CSMD1: variants seen among roughly 807,000 people sequenced by gnomAD.
The protein encoded by CSMD1 is CUB and sushi domain-containing protein 1.
A neutral mutation model predicts 417.5 loss-of-function variants in CSMD1; 213 were observed. That is an observed-to-expected ratio of 0.51 (90% CI 0.46 to 0.57). The LOEUF is 0.57. Ranked by LOEUF, CSMD1 falls within the 20% of genes least tolerant of loss-of-function variation. CSMD1 has a pLI of 0.00. For synonymous variants in CSMD1, 2,862 were observed against 1,736.8 expected (o/e 1.65, Z -16.11); for missense variants, 6,923 against 4,529.7 (o/e 1.53, Z -15.17).
intron 1 of CSMD1, among the ~76,000 whole-genome samples, chr8:4,958,344 G>C (rs904107011): frequency 6.6e-6 from 1 of 151,982 alleles, no homozygotes; most frequent in African/African-American, 2.4e-5. Context: ...TCAAGTTAAA[G>C]GTGAACATGG....
At chr8:3,138,920 A>T (rs1427911327) in intron 41 of CSMD1, among the ~76,000 whole-genome samples, 2 of 152,142 alleles carry the variant, frequency 1.3e-5, no homozygotes, top group Non-Finnish European at 2.9e-5. Context: ...GAAAGAAGAG[A>T]GAAGTTGGAA....
chr8:4,502,859 C>A (rs1802328238), intron 2 of CSMD1, among the ~76,000 whole-genome samples: 1 of 152,016 alleles, frequency 6.6e-6, no homozygotes, highest in Non-Finnish European at 1.5e-5. Flanking sequence ...CTCAGTTTTT[C>A]TTTTGAAAGA....
chr8:4,855,200 G>A (rs200344562), intron 1 of CSMD1, among the ~76,000 whole-genome samples: 1 of 149,508 alleles, frequency 6.7e-6, no homozygotes, highest in Non-Finnish European at 1.5e-5. Flanking sequence ...TGCAGCTGAC[G>A]GTCCTCTTTG....
At chr8:4,384,952 CCT>C (rs1422418721) in intron 3 of CSMD1, among the ~76,000 whole-genome samples, 4 of 152,096 alleles carry the variant, frequency 2.6e-5, no homozygotes, top group South Asian at 4.2e-4. Flanking sequence ...CAGGAAATTT[CCT>C]CTGTCACCCA....
chr8:4,572,120 A>C (rs1481945094), intron 2 of CSMD1, among the ~76,000 whole-genome samples: 1 of 152,188 alleles, frequency 6.6e-6, no homozygotes, highest in Non-Finnish European at 1.5e-5. Context: ...ATTTAAATTT[A>C]AGGTTAATAT....
At chr8:4,326,049 C>T (rs10503254) in intron 3 of CSMD1, among the ~76,000 whole-genome samples, 3 of 151,900 alleles carry the variant, frequency 2.0e-5, no homozygotes, top group African/African-American at 7.3e-5. Context: ...TGACCTAACA[C>T]GGGATTCTCC....
intron 8 of CSMD1, among the ~76,000 whole-genome samples, chr8:3,589,428 G>A (rs984464246): frequency 6.6e-6 from 1 of 151,750 alleles, no homozygotes; most frequent in Non-Finnish European, 1.5e-5. Context: ...GTACACAATG[G>A]AATACTATTC....
intron 5 of CSMD1, among the ~76,000 whole-genome samples, chr8:3,760,623 G>A (rs1025339242): frequency 6.6e-6 from 1 of 152,162 alleles, no homozygotes; most frequent in Non-Finnish European, 1.5e-5. Context: ...TCGCGTATGT[G>A]ACTTGAAAAA....
intron 9 of CSMD1, among the ~76,000 whole-genome samples, chr8:3,582,183 A>G (rs1800411733): frequency 6.6e-6 from 1 of 152,230 alleles, no homozygotes; most frequent in African/African-American, 2.4e-5. Flanking sequence ...GAACGTGTCA[A>G]CAGCAAAGAA....
At chr8:3,315,731 G>A (rs1805708111) in intron 23 of CSMD1, among the ~76,000 whole-genome samples, 1 of 152,088 alleles carries the variant, frequency 6.6e-6, no homozygotes, top group Non-Finnish European at 1.5e-5. Flanking sequence ...ACATCAAAAA[G>A]CCTGTAAATG....
intron 2 of CSMD1, among the ~76,000 whole-genome samples, chr8:4,441,624 C>G (rs1019254914): frequency 3.9e-5 from 6 of 152,046 alleles, no homozygotes; most frequent in Admixed American, 6.6e-5. Context: ...TCTTCACCAC[C>G]TAGGTATTTA....
intron 3 of CSMD1, among the ~76,000 whole-genome samples, chr8:4,305,300 GGA>G (rs768119403): frequency 6.6e-5 from 10 of 152,132 alleles, no homozygotes; most frequent in Non-Finnish European, 1.0e-4. Context: ...CCTCCCGCTA[GGA>G]GAGAGTCAGG....
chr8:4,395,452 A>T (rs1162357272), intron 3 of CSMD1, among the ~76,000 whole-genome samples: 1 of 152,108 alleles, frequency 6.6e-6, no homozygotes, highest in Non-Finnish European at 1.5e-5. Context: ...TCTCATCAAG[A>T]ATAGCAGCAA....
intron 28 of CSMD1, among the ~76,000 whole-genome samples, chr8:3,223,385 T>C (rs887540282): frequency 2.1e-4 from 32 of 152,158 alleles, no homozygotes; most frequent in African/African-American, 7.0e-4. Context: ...ATCAGGCATT[T>C]AGAGTGATAG....
At chr8:3,498,881 T>C (rs1003797523) in intron 10 of CSMD1, among the ~76,000 whole-genome samples, 1 of 152,222 alleles carries the variant, frequency 6.6e-6, no homozygotes, top group Admixed American at 6.5e-5. Context: ...AATTTCTCAT[T>C]CAGATCATGA....
chr8:3,038,711 G>A (rs984875235), intron 50 of CSMD1, among the ~76,000 whole-genome samples: 1 of 151,928 alleles, frequency 6.6e-6, no homozygotes, highest in African/African-American at 2.4e-5. Flanking sequence ...ATTCGCTTAA[G>A]TATTCTTTCC....
chr8:4,504,187 T>C (rs1802405399), intron 2 of CSMD1, among the ~76,000 whole-genome samples: 1 of 152,138 alleles, frequency 6.6e-6, no homozygotes, highest in Non-Finnish European at 1.5e-5. Context: ...ACAATATGGA[T>C]GAACCTCAAG....
intron 52 of CSMD1, among the ~76,000 whole-genome samples, chr8:3,006,027 T>C (rs549134744): frequency 0.035 from 5,290 of 151,702 alleles, 129 homozygotes; most frequent in African/African-American, 0.072. Flanking sequence ...AAAACCCCAT[T>C]GTCTCAGCCC....
intron 26 of CSMD1, among the ~76,000 whole-genome samples, chr8:3,234,486 T>G (rs903527762): frequency 2.6e-5 from 4 of 152,070 alleles, no homozygotes; most frequent in Admixed American, 6.6e-5. Flanking sequence ...GCACTCTCAG[T>G]GGAGATCTAG....
Sources: gnomAD v4.1 joint callset for allele counts (sites outside exome capture counted in the v4.1 genomes callset) on GRCh38, gnomAD v4.1.1 for gene constraint, MANE v1.5 for transcripts, NCBI Gene and HGNC (gene_info 2026-07-23, HGNC 2026-07-21) for gene names.